Variants in KCNIP4 observed in about 807,000 individuals in gnomAD.
The protein encoded by KCNIP4 is potassium voltage-gated channel interacting protein 4.
In KCNIP4, 12 loss-of-function variants were observed where a neutral mutation model predicts 34.0. The ratio of observed to expected loss-of-function variants is 0.35; its 90% CI spans 0.23 to 0.57. The LOEUF (loss-of-function observed/expected upper bound fraction) is 0.57. Among genes scored for constraint, KCNIP4 ranks in the 20% least tolerant of loss-of-function variants. The pLI, the probability that KCNIP4 is intolerant of heterozygous loss-of-function variation, is 0.83. For missense variants in KCNIP4, 238 were observed against 311.7 expected, an observed-to-expected ratio of 0.76 and a Z score of 1.78; for synonymous variants, 124 against 102.2, an observed-to-expected ratio of 1.21 and a Z score of -1.29.
At chr4:20,890,961 T>G (rs1725856740) in intron 1 of KCNIP4, among the ~76,000 whole-genome samples, 1 of 152,150 alleles carries the variant, frequency 6.6e-6, no homozygotes, top group Non-Finnish European at 1.5e-5. Flanking sequence ...ACACAGGAAA[T>G]GCCATCACAT....
chr4:21,611,503 T>C (rs749878924), intron 1 of KCNIP4, among the ~76,000 whole-genome samples: 52 of 152,114 alleles, frequency 3.4e-4, no homozygotes, highest in Non-Finnish European at 6.6e-4. Flanking sequence ...GAGATTTGGG[T>C]GGGGACACAG....
chr4:20,832,723 AT>A (rs1718569624), intron 3 of KCNIP4, among the ~76,000 whole-genome samples: 1 of 139,188 alleles, frequency 7.2e-6, no homozygotes, highest in African/African-American at 2.8e-5. Context: ...AATGCTTTTT[AT>A]TTAAAAAAAA....
chr4:21,225,460 T>G (rs1343213729), intron 1 of KCNIP4, among the ~76,000 whole-genome samples: 1 of 152,158 alleles, frequency 6.6e-6, no homozygotes, highest in Non-Finnish European at 1.5e-5. Flanking sequence ...TAACTATGGA[T>G]CCATAGTTAT....
chr4:21,428,638 G>A (rs1049941602), intron 1 of KCNIP4, among the ~76,000 whole-genome samples: 6 of 152,114 alleles, frequency 3.9e-5, no homozygotes, highest in Admixed American at 6.6e-5. Context: ...GTAACATCCA[G>A]ATTTCATTTA....
chr4:21,542,649 C>T (rs990005387), intron 1 of KCNIP4, among the ~76,000 whole-genome samples: 2 of 150,758 alleles, frequency 1.3e-5, no homozygotes, highest in African/African-American at 2.4e-5. Context: ...TGTGAACTTA[C>T]GAATTACGTT....
chr4:20,885,768 T>C (rs564488421), intron 1 of KCNIP4, among the ~76,000 whole-genome samples: 2 of 152,334 alleles, frequency 1.3e-5, no homozygotes, highest in African/African-American at 4.8e-5. Context: ...GACAGCCACA[T>C]AATGCAGTCC....
chr4:20,845,538 C>T (rs1417449005), intron 3 of KCNIP4, among the ~76,000 whole-genome samples: 1 of 152,170 alleles, frequency 6.6e-6, no homozygotes, highest in Non-Finnish European at 1.5e-5. Flanking sequence ...CCGCTCACAT[C>T]CAGGTGAATA....
intron 1 of KCNIP4, among the ~76,000 whole-genome samples, chr4:21,425,018 C>T (rs1404677504): frequency 6.6e-6 from 1 of 152,014 alleles, no homozygotes; most frequent in Non-Finnish European, 1.5e-5. Flanking sequence ...GTATTCAGTA[C>T]AGACATGAGA....
chr4:21,768,114 G>A (rs1230320479), intron 1 of KCNIP4, among the ~76,000 whole-genome samples: 3 of 152,056 alleles, frequency 2.0e-5, no homozygotes, highest in Non-Finnish European at 2.9e-5. Context: ...CGCCAAGCAA[G>A]AGCTTCTAAA....
At chr4:21,680,357 C>T (rs970031753) in intron 1 of KCNIP4, among the ~76,000 whole-genome samples, 6 of 152,166 alleles carry the variant, frequency 3.9e-5, no homozygotes, top group Non-Finnish European at 8.8e-5. Context: ...CGTTTTCTTG[C>T]TATTTCCATC....
At chr4:21,673,016 G>A (rs1194978754) in intron 1 of KCNIP4, among the ~76,000 whole-genome samples, 1 of 152,128 alleles carries the variant, frequency 6.6e-6, no homozygotes, top group Non-Finnish European at 1.5e-5. Flanking sequence ...AAGAGAGAGA[G>A]AAAAAGCAAC....
intron 1 of KCNIP4, among the ~76,000 whole-genome samples, chr4:21,391,234 T>C (rs1722531271): frequency 6.6e-6 from 1 of 152,224 alleles, no homozygotes; most frequent in Non-Finnish European, 1.5e-5. Flanking sequence ...AAATACTTTA[T>C]AATTATAATC....
intron 3 of KCNIP4, among the ~76,000 whole-genome samples, chr4:20,809,378 T>C (rs1715453488): frequency 6.6e-6 from 1 of 152,184 alleles, no homozygotes; most frequent in Admixed American, 6.5e-5. Context: ...GAGAATGTTT[T>C]TTGTTACTGT....
chr4:21,496,797 G>A (rs907943565), intron 1 of KCNIP4, among the ~76,000 whole-genome samples: 3 of 152,194 alleles, frequency 2.0e-5, no homozygotes, highest in Non-Finnish European at 2.9e-5. Flanking sequence ...CCTGTTGTGA[G>A]CTGCACATGC....
intron 1 of KCNIP4, among the ~76,000 whole-genome samples, chr4:21,829,101 T>TA (rs1376020910): frequency 1.3e-5 from 2 of 151,984 alleles, no homozygotes; most frequent in East Asian, 1.9e-4. Flanking sequence ...GTCCCCAACT[T>TA]ACGATGGTTT....
chr4:21,499,593 T>G (rs900225520), intron 1 of KCNIP4, among the ~76,000 whole-genome samples: 51 of 152,024 alleles, frequency 3.4e-4, no homozygotes, highest in African/African-American at 1.2e-3. Flanking sequence ...CATAATTATA[T>G]CTATTTGGAA....
At chr4:21,295,680 C>A (rs560998955) in intron 1 of KCNIP4, among the ~76,000 whole-genome samples, 5 of 152,168 alleles carry the variant, frequency 3.3e-5, no homozygotes, top group African/African-American at 1.2e-4. Flanking sequence ...TCAAACAAGT[C>A]AGTTCTTTGG....
intron 1 of KCNIP4, among the ~76,000 whole-genome samples, chr4:21,373,390 A>G (rs1263547716): frequency 2.0e-5 from 3 of 147,506 alleles, no homozygotes; most frequent in Non-Finnish European, 4.4e-5. Context: ...GAAAGTAGAG[A>G]GATAGAGTAG....
At chr4:21,468,829 T>A (rs1460489) in intron 1 of KCNIP4, among the ~76,000 whole-genome samples, 17,954 of 152,202 alleles carry the variant, frequency 0.12, 1,243 homozygotes, top group South Asian at 0.16. Flanking sequence ...CGCACTTTTT[T>A]AATTATTCAA....
Sources: gnomAD v4.1 joint callset for allele counts (sites outside exome capture counted in the v4.1 genomes callset) on GRCh38, gnomAD v4.1.1 for gene constraint, MANE v1.5 for transcripts, NCBI Gene and HGNC (gene_info 2026-07-23, HGNC 2026-07-21) for gene names.